DCP2: variants seen among roughly 807,000 people sequenced by gnomAD.
The protein encoded by DCP2 is decapping mRNA 2, also known as m7GpppN-mRNA hydrolase.
A neutral mutation model predicts 56.1 loss-of-function variants in DCP2; 30 were observed. The ratio of observed to expected loss-of-function variants is 0.53; its 90% CI spans 0.40 to 0.73. The LOEUF is 0.73. Ranked by LOEUF, DCP2 falls within the 30% of genes least tolerant of loss-of-function variation. The pLI, the probability that DCP2 is intolerant of heterozygous loss-of-function variation, is 0.00. For synonymous variants in DCP2, 197 were observed against 163.3 expected (o/e 1.21, Z -1.57); for missense variants, 533 against 502.7 (o/e 1.06, Z -0.58).
chr5:112,982,364 A>C (rs373350499), intron 1 of DCP2, among the ~76,000 whole-genome samples: 1 of 152,212 alleles, frequency 6.6e-6, no homozygotes. Context: ...AGCAACTAGA[A>C]TACTAGAATT....
rs925515872 is a variant in DCP2, at chr5:113,021,244, G to A, written c.*7760G>A. 6.6e-6 allele frequency among the ~76,000 whole-genome samples: 1 copy of A among 151,972 alleles called. No homozygotes were observed. The highest frequency in any genetic ancestry group is 1.5e-5 in the Non-Finnish European group (1 of 67,982). On this transcript the variant is annotated 3_prime_UTR_variant, in exon 11 of 11. Coordinates refer to ENST00000389063, the MANE Select transcript of DCP2 (RefSeq NM_152624.6). The stretch of plus-strand genomic sequence containing the variant: ...TAGCTGGGCGTGGTGGTGCGTGTCT[G>A]TAGTCCCAGCTACTTGGGAGGCTGA...
chr5:113,000,084 AAG>A, intron 4 of DCP2, among the ~76,000 whole-genome samples: 4 of 138,920 alleles, frequency 2.9e-5, no homozygotes, highest in African/African-American at 5.2e-5. Context: ...AAAAAAAAAG[AAG>A]AAGAAAAACA....
chr5:112,999,389 A>G (rs1299926897), intron 4 of DCP2, among the ~76,000 whole-genome samples: 1 of 151,844 alleles, frequency 6.6e-6, no homozygotes, highest in Non-Finnish European at 1.5e-5. Context: ...GTGTAATAGC[A>G]TGATCTCGGC....
In DCP2 at chr5:112,978,628, A is replaced by C. The variant is rs373607573; in HGVS notation, c.53+1642A>C. On this transcript the variant is annotated intron_variant, in intron 1 of 10. Transcript: ENST00000389063. ...GGTGATGGTAGATTTATAATTTTTGAAGTATGGTAGATTCAAATGAACCAC... is the reference window on the plus strand; with the variant it reads ...GGTGATGGTAGATTTATAATTTTTGCAGTATGGTAGATTCAAATGAACCAC... Among the ~76,000 whole-genome samples the C allele has an allele frequency of 2.6e-5, 4 of 152,010 alleles. No homozygotes were observed. The East Asian group carries it at 7.7e-4, about 29-fold the overall frequency.
chr5:112,987,510 TG>T (rs1212001238), intron 2 of DCP2, among the ~76,000 whole-genome samples: 3 of 151,660 alleles, frequency 2.0e-5, no homozygotes, highest in Non-Finnish European at 2.9e-5. Flanking sequence ...TGGAGTGTGG[TG>T]GTGTGATCTT....
chr5:112,991,551 G>C (rs975713732), intron 2 of DCP2, among the ~76,000 whole-genome samples: 1 of 152,052 alleles, frequency 6.6e-6, no homozygotes. Context: ...CTTCATTATG[G>C]AAACAATATA....
rs1356227475 is a variant in DCP2, at chr5:113,013,504, A to T, written c.*20A>T. 1.2e-6 allele frequency: 2 copies of T among 1,612,916 alleles called. No individual in the cohort carries two copies. The highest frequency in any genetic ancestry group is 1.7e-5 in the Admixed American group (1 of 59,942). The stretch of plus-strand genomic sequence containing the variant: ...CTTTGATAGCAGCACATGTATTGTA[A>T]ATGTCCCAGGATCAGAGACCTGTTG... On this transcript the variant is annotated 3_prime_UTR_variant, in exon 11 of 11. Coordinates refer to ENST00000389063, the MANE Select transcript of DCP2 (RefSeq NM_152624.6).
intron 8 of DCP2, among the ~76,000 whole-genome samples, chr5:113,006,768 C>G (rs1165145775): frequency 6.6e-6 from 1 of 152,116 alleles, no homozygotes; most frequent in African/African-American, 2.4e-5. Flanking sequence ...GGAAAATTAT[C>G]TTAAAGCAAT....
intron 4 of DCP2, 130 bp from the exon 5 acceptor site, chr5:113,000,954 C>A: frequency 1.1e-6 from 1 of 934,478 alleles, no homozygotes; most frequent in Non-Finnish European, 1.6e-6. Flanking sequence ...CTGTACCAGC[C>A]TGTCATTTCT....
intron 10 of DCP2, among the ~76,000 whole-genome samples, chr5:113,012,787 G>A (rs1202033282): frequency 6.6e-6 from 1 of 152,140 alleles, no homozygotes; most frequent in Non-Finnish European, 1.5e-5. Context: ...GGGATTACAG[G>A]CGTGTGCCAC....
chr5:113,005,076 C>T (rs1433026614), intron 8 of DCP2, among the ~76,000 whole-genome samples: 1 of 151,606 alleles, frequency 6.6e-6, no homozygotes, highest in Non-Finnish European at 1.5e-5. Flanking sequence ...CTGCAGTGAG[C>T]CAAGATCGCG....
At chr5:113,004,148 G>C in intron 8 of DCP2, 71 bp downstream of exon 8, 1 of 1,532,148 alleles carries the variant, frequency 6.5e-7, no homozygotes, top group East Asian at 2.3e-5. Context: ...CTCAATTGGA[G>C]AATTACATCT....
chr5:112,981,999 C>T (rs1748029195), intron 1 of DCP2, among the ~76,000 whole-genome samples: 1 of 152,136 alleles, frequency 6.6e-6, no homozygotes, highest in African/African-American at 2.4e-5. Flanking sequence ...AACTCCTGAC[C>T]TCAGGTGATC....
Position 113,002,809 on chromosome 5 carries a change from C to T in DCP2, c.807-1133C>T, listed in dbSNP as rs528722860. On this transcript the variant is annotated intron_variant, in intron 7 of 10. Transcript: ENST00000389063. The stretch of plus-strand genomic sequence containing the variant: ...AAGTTTTGAGATTACGGGCGTGAGC[C>T]ACCATGCCTGGCCTCTGGCTTACAA... Among the ~76,000 whole-genome samples the T allele has an allele frequency of 1.2e-3, 189 of 152,334 alleles. 1 individual carries two copies. The Middle Eastern group carries it at 0.024, about 19-fold the overall frequency.
intron 8 of DCP2, among the ~76,000 whole-genome samples, chr5:113,006,755 G>C (rs1451845915): frequency 6.6e-6 from 1 of 151,928 alleles, no homozygotes; most frequent in Non-Finnish European, 1.5e-5. Flanking sequence ...GAATTTTTTG[G>C]TAGGAAAATT....
chr5:113,020,258 T>A lies in DCP2; in HGVS notation c.*6774T>A, dbSNP rs1169249469. The A allele has an allele frequency of 3.9e-5, 6 of 152,230 alleles. No homozygotes were observed. Among genetic ancestry groups the A allele is most frequent in the Admixed American group, 3.3e-4 (5 of 15,290 alleles). The allele number at this position is 152,230 out of a possible 1,614,324, so 9.4% of individuals were successfully genotyped here. ...ACCAAGTAGATTTGTGAACTTTATT[T>A]CTTTAGTAATTATTTTTATCTTATG... is the stretch of plus-strand genomic sequence containing the variant. On this transcript the variant is annotated 3_prime_UTR_variant, in exon 11 of 11. Transcript: ENST00000389063.
intron 4 of DCP2, among the ~76,000 whole-genome samples, chr5:112,996,362 C>G (rs970967986): frequency 1.3e-5 from 2 of 152,058 alleles, no homozygotes; most frequent in Non-Finnish European, 2.9e-5. Context: ...AGATTTTGTT[C>G]TAATTTTCTA....
chr5:113,008,071 G>T (rs1749521722), intron 9 of DCP2, 29 bp downstream of exon 9: 1 of 1,572,238 alleles, frequency 6.4e-7, no homozygotes, highest in Non-Finnish European at 8.7e-7. Flanking sequence ...ACACTAAGTA[G>T]GCAGTTCATC....
At chr5:112,986,669 A>ATGTT in intron 2 of DCP2, among the ~76,000 whole-genome samples, 1 of 151,986 alleles carries the variant, frequency 6.6e-6, no homozygotes, top group Admixed American at 6.6e-5. Flanking sequence ...AATGTTTACT[A>ATGTT]TGTTTGAAGC....
Sources: allele counts gnomAD v4.1 joint callset (sites outside exome capture counted in the v4.1 genomes callset), GRCh38; gene constraint gnomAD v4.1.1; transcripts MANE v1.5; gene names NCBI Gene and HGNC (gene_info 2026-07-23, HGNC 2026-07-21).